The following ASIC5 variants were observed in gnomAD, a reference collection of about 807,000 sequenced individuals.
The protein encoded by ASIC5 is bile acid-sensitive ion channel.
ASIC5 carries 52 observed loss-of-function variants against 51.2 expected under a neutral mutation model. The ratio of observed to expected loss-of-function variants is 1.02; its 90% CI spans 0.81 to 1.28. The LOEUF (loss-of-function observed/expected upper bound fraction) is 1.28. Among genes scored for constraint, ASIC5 ranks in the 50% most tolerant of loss-of-function variants. The pLI is 0.00. For missense variants in ASIC5, 635 were observed against 595.0 expected (o/e 1.07, Z -0.70); for synonymous variants, 231 against 200.7 (o/e 1.15, Z -1.28).
chr4:155,849,730 T>C (rs1374802359), intron 4 of ASIC5, among the ~76,000 whole-genome samples: 1 of 152,002 alleles, frequency 6.6e-6, no homozygotes, highest in East Asian at 1.9e-4. Context: ...TTTTCCCCCA[T>C]ATTTCCTAAT....
chr4:155,842,472 C>A (rs1412840370), intron 5 of ASIC5, 118 bp from the exon 6 acceptor site: 3 of 960,670 alleles, frequency 3.1e-6, no homozygotes, highest in African/African-American at 3.3e-5. Context: ...TTTTCAAAAC[C>A]AAAATTGGTT....
chr4:155,854,051 A>G (rs774338467), intron 3 of ASIC5, 26 bp downstream of exon 3: 3 of 1,516,886 alleles, frequency 2.0e-6, no homozygotes, highest in Non-Finnish European at 2.7e-6. Flanking sequence ...TACTTTGATT[A>G]TATTTGAAGA....
Position 155,852,273 on chromosome 4 carries a change from A to C in ASIC5, c.629T>G (p.Phe210Cys), listed in dbSNP as rs1000415258. 5 of 1,597,746 alleles carry C rather than the reference A, an allele frequency of 3.1e-6. No homozygotes were observed. In the Admixed American group the frequency reaches 7.2e-5, roughly 23 times the overall value. ...TGCTTGGAGAGTTTCACCATGATTA[A>C]AAGTAAAACAATTTCCATATTCAGT... ...VFTEYGNCFT[F>C]NHGETLQAKR... Residue 210 changes from phenylalanine (F) to cysteine (C), a missense_variant, in exon 4 of 10, where the codon TTT (phenylalanine) becomes TGT (cysteine). Transcript: ENST00000537611.
At chr4:155,849,562 G>A (rs1741331528) in intron 4 of ASIC5, among the ~76,000 whole-genome samples, 1 of 152,010 alleles carries the variant, frequency 6.6e-6, no homozygotes, top group Non-Finnish European at 1.5e-5. Context: ...GATTAGAGAA[G>A]AGAGAAAAAT....
Position 155,838,808 on chromosome 4 carries a change from C to T in ASIC5, c.1066+5G>A. 2 of 1,560,838 alleles carry T rather than the reference C, an allele frequency of 1.3e-6. No homozygotes were observed. Among genetic ancestry groups the T allele is most frequent in the East Asian group, 4.5e-5 (2 of 44,230 alleles). ...CCTGAAAATAAAAGTAAATTAAGCA[C>T]TTACCAAGTACAGGAGAAACACAGC... On this transcript the variant is annotated splice_donor_5th_base_variant and intron_variant, in intron 7 of 9. Coordinates refer to ENST00000537611, the MANE Select transcript of ASIC5 (RefSeq NM_017419.3).
At chr4:155,836,355 G>A (rs1740979463) in intron 8 of ASIC5, among the ~76,000 whole-genome samples, 1 of 152,156 alleles carries the variant, frequency 6.6e-6, no homozygotes, top group African/African-American at 2.4e-5. Context: ...AAGACTCAAA[G>A]TGTATAATGT....
At chr4:155,844,852 T>C (rs1353987306) in intron 4 of ASIC5, among the ~76,000 whole-genome samples, 1 of 152,006 alleles carries the variant, frequency 6.6e-6, no homozygotes, top group Non-Finnish European at 1.5e-5. Context: ...TAGGGTCTAA[T>C]CTCAGCTGGC....
intron 9 of ASIC5, 50 bp downstream of exon 9, chr4:155,831,774 A>G (rs1740875352): frequency 8.0e-7 from 1 of 1,245,636 alleles, no homozygotes; most frequent in African/African-American, 1.5e-5. Flanking sequence ...ATTCTGTCTC[A>G]AAATAAATAA....
rs545338789 is a variant in ASIC5, at chr4:155,854,405, T to A, written c.348-91A>T. The A allele has an allele frequency of 4.3e-6, 4 of 922,852 alleles. No homozygotes were observed. In the African/African-American group the frequency reaches 5.0e-5, roughly 11 times the overall value. The allele number at this position is 922,852 out of a possible 1,614,324, so 57.2% of individuals were successfully genotyped here. On this transcript the variant is annotated intron_variant, in intron 2 of 9. Coordinates refer to ENST00000537611, the MANE Select transcript of ASIC5 (RefSeq NM_017419.3). ...CCAACATCTAGATTCTATTAGCTTC[T>A]TCTTATCTCCCACACTCTCCCTTAT...
rs543548450 is a variant in ASIC5 at position 155,859,897 on chromosome 4, A to C, written c.347+3551T>G. Among the ~76,000 whole-genome samples the C allele has an allele frequency of 7.2e-5, 11 of 152,182 alleles. No individual in the cohort carries two copies. In the South Asian group the frequency reaches 1.4e-3, roughly 20 times the overall value. ...ACAAATTGTATTTTGCTTCAGGGGAAGACTCCTTTAAAAATTAATCAAAGC... is the reference window on the plus strand; with the variant it reads ...ACAAATTGTATTTTGCTTCAGGGGACGACTCCTTTAAAAATTAATCAAAGC... On this transcript the variant is annotated intron_variant, in intron 2 of 9. Coordinates refer to ENST00000537611, the MANE Select transcript of ASIC5 (RefSeq NM_017419.3).
In ASIC5 at chr4:155,854,092, C is replaced by A. The variant is rs779368497; in HGVS notation, c.570G>T (p.Lys190Asn). 4.3e-6 allele frequency: 7 copies of A among 1,611,764 alleles called. No individual in the cohort carries two copies. The highest frequency in any genetic ancestry group is 1.1e-5 in the South Asian group (1 of 90,854). ...AAATCGTTACCTTTGGGCTACATGGCTTTCCAAAAAACTCACAGTCCAACA... is the reference window on the plus strand; with the variant it reads ...AAATCGTTACCTTTGGGCTACATGGATTTCCAAAAAACTCACAGTCCAACA... ...STLLDCEFFG[K>N]PCSPKDFAHV... The change falls in exon 3 of 10, where the codon AAG becomes AAT. Residue 190 changes from lysine (K) to asparagine (N), a missense_variant. Physicochemically the swap from Lys to Asn is moderately conservative, Grantham distance 94. Transcript: ENST00000537611.
intron 3 of ASIC5, 48 bp from the exon 4 acceptor site, chr4:155,852,364 G>A (rs746216239): frequency 1.3e-6 from 2 of 1,552,216 alleles, no homozygotes; most frequent in Admixed American, 4.5e-5. Context: ...TGATATTTTT[G>A]TCACTTCTCA....
At chr4:155,849,714 T>C (rs1741335063) in intron 4 of ASIC5, among the ~76,000 whole-genome samples, 1 of 152,068 alleles carries the variant, frequency 6.6e-6, no homozygotes, top group African/African-American at 2.4e-5. Flanking sequence ...TCAATTTTTT[T>C]CTTTTTTTTC....
intron 8 of ASIC5, among the ~76,000 whole-genome samples, chr4:155,833,508 A>C (rs1378606684): frequency 1.3e-5 from 2 of 152,196 alleles, no homozygotes; most frequent in Admixed American, 1.3e-4. Flanking sequence ...GTAACAGGAG[A>C]ATGTACTATG....
intron 2 of ASIC5, among the ~76,000 whole-genome samples, chr4:155,861,421 A>T (rs1741703059): frequency 6.6e-6 from 1 of 152,076 alleles, no homozygotes; most frequent in Non-Finnish European, 1.5e-5. Flanking sequence ...TTTATTCAAC[A>T]TAAAATGACA....
At position 155,863,471 on chromosome 4, in the gene ASIC5, A is replaced by G; in HGVS notation, c.324T>C (p.Ala108=). 6.2e-7 allele frequency: 1 copy of G among 1,612,776 alleles called. No homozygotes were observed. Among genetic ancestry groups the G allele is most frequent in the Non-Finnish European group, 8.5e-7 (1 of 1,179,128 alleles). ...ACCTGTTCAAATTACAAAATGTCAC[A>G]GCTGGGAACTCCATCTTTTCCACAT... ...VQYVEKMEFP[A]VTFCNLNRFQ... is the part of the protein sequence containing the mutation. The change falls in exon 2 of 10, where the codon GCT becomes GCC. Residue 108 remains alanine (A), a synonymous_variant. Transcript: ENST00000537611.
chr4:155,842,904 C>T (rs530817976), intron 5 of ASIC5, among the ~76,000 whole-genome samples: 3 of 151,978 alleles, frequency 2.0e-5, no homozygotes, highest in South Asian at 2.1e-4. Flanking sequence ...GAGAGTCCTG[C>T]TGGTAGGTTT....
intron 7 of ASIC5, among the ~76,000 whole-genome samples, chr4:155,838,235 A>G (rs940269906): frequency 1.6e-4 from 24 of 152,204 alleles, no homozygotes; most frequent in Non-Finnish European, 4.4e-5. Context: ...GGAGATGTAT[A>G]TGTGGAGAAA....
At chr4:155,846,850 T>C (rs1335982104) in intron 4 of ASIC5, among the ~76,000 whole-genome samples, 1 of 151,712 alleles carries the variant, frequency 6.6e-6, no homozygotes, top group Non-Finnish European at 1.5e-5. Context: ...AGAAAAACAT[T>C]CTTGCTAAAA....
Sources: allele counts gnomAD v4.1 joint callset (sites outside exome capture counted in the v4.1 genomes callset), GRCh38; gene constraint gnomAD v4.1.1; transcripts MANE v1.5; gene names NCBI Gene and HGNC (gene_info 2026-07-23, HGNC 2026-07-21).